Variants in CCDC192 observed in about 807,000 individuals in gnomAD.
CCDC192 encodes coiled-coil domain containing 192.
intron 6 of CCDC192, among the ~76,000 whole-genome samples, chr5:127,901,276 T>C (rs1753031375): frequency 6.6e-6 from 1 of 152,170 alleles, no homozygotes. Context: ...CTAGGTAATA[T>C]CTTAAAAAAA....
chr5:127,703,185 A>G (rs1397187213), upstream of CCDC192, among the ~76,000 whole-genome samples: 2 of 152,194 alleles, frequency 1.3e-5, no homozygotes, highest in Non-Finnish European at 2.9e-5. Flanking sequence ...ACTTTGAATG[A>G]GTTTTCCAGA....
intron 5 of CCDC192, among the ~76,000 whole-genome samples, chr5:127,866,737 A>G (rs1347711362): frequency 6.6e-6 from 1 of 152,156 alleles, no homozygotes; most frequent in Non-Finnish European, 1.5e-5. Flanking sequence ...AAACATGTTT[A>G]TATGAGATCA....
At chr5:127,705,872 C>A (rs1750928384) in intron 1 of CCDC192, among the ~76,000 whole-genome samples, 1 of 152,134 alleles carries the variant, frequency 6.6e-6, no homozygotes. Context: ...TTATTAAGAT[C>A]CTTTAAAGCC....
At chr5:127,840,724 T>C (rs1384477243) in intron 5 of CCDC192, among the ~76,000 whole-genome samples, 1 of 152,218 alleles carries the variant, frequency 6.6e-6, no homozygotes, top group Non-Finnish European at 1.5e-5. Flanking sequence ...TATTCATCAT[T>C]ATCTAGGTTT....
chr5:127,751,952 G>C (rs1444115242), intron 2 of CCDC192, among the ~76,000 whole-genome samples: 1 of 151,920 alleles, frequency 6.6e-6, no homozygotes, highest in Non-Finnish European at 1.5e-5. Flanking sequence ...TCGAGCCTTG[G>C]TTTTCAGCTC....
chr5:127,826,312 G>A (rs570774076), intron 5 of CCDC192, among the ~76,000 whole-genome samples: 3 of 152,226 alleles, frequency 2.0e-5, no homozygotes, highest in Admixed American at 2.0e-4. Context: ...CAAAGGAAAA[G>A]GAAAACTTAT....
At chr5:127,721,583 G>A (rs1246727421) in intron 2 of CCDC192, among the ~76,000 whole-genome samples, 1 of 152,090 alleles carries the variant, frequency 6.6e-6, no homozygotes, top group African/African-American at 2.4e-5. Context: ...CCATTACTGA[G>A]TCCCAAAGCT....
rs74916492 is a variant in CCDC192 at position 127,715,303 on chromosome 5, T to C, written c.114+7543T>C. ...CCATTTTGAGTTGATTCCTGTAAGT[T>C]GGAAGAGATAGGAGACTAGTTTCAT... On this transcript the variant is annotated intron_variant, in intron 2 of 6. Coordinates refer to ENST00000514853, the MANE Select transcript of CCDC192 (RefSeq NM_001317938.2). Among the ~76,000 whole-genome samples the C allele has an allele frequency of 3.3e-5, 5 of 152,328 alleles. No individual in the cohort carries two copies. The East Asian group carries it at 9.6e-4, about 29-fold the overall frequency.
chr5:127,847,642 G>A lies in CCDC192; in HGVS notation c.412-27896G>A, dbSNP rs145834090. ...GTTCAAGATCAGCCTGACCAACATG[G>A]TGAAACTCCGTCTCTACTAAAAATA... On this transcript the variant is annotated intron_variant, in intron 5 of 6. Coordinates refer to ENST00000514853, the MANE Select transcript of CCDC192 (RefSeq NM_001317938.2). 2.2e-3 allele frequency among the ~76,000 whole-genome samples: 331 copies of A among 151,876 alleles called. 2 individuals carry two copies. The highest frequency in any genetic ancestry group is 7.5e-3 in the African/African-American group (310 of 41,448).
chr5:127,817,338 C>T (rs1222732047), intron 5 of CCDC192, among the ~76,000 whole-genome samples: 1 of 152,070 alleles, frequency 6.6e-6, no homozygotes, highest in Non-Finnish European at 1.5e-5. Context: ...AAAGCTTGCA[C>T]AAAAATGTTC....
chr5:127,850,593 T>A (rs934281603), intron 5 of CCDC192, among the ~76,000 whole-genome samples: 3 of 152,180 alleles, frequency 2.0e-5, no homozygotes, highest in African/African-American at 7.2e-5. Context: ...GTACATTCCC[T>A]GCACTGAGAG....
intron 2 of CCDC192, among the ~76,000 whole-genome samples, chr5:127,716,935 ACT>A (rs1452779523): frequency 6.6e-6 from 1 of 152,094 alleles, no homozygotes; most frequent in African/African-American, 2.4e-5. Flanking sequence ...AATCTTTCAG[ACT>A]CTGTTTCCTG....
chr5:127,910,577 A>C (rs1228355565), intron 6 of CCDC192, among the ~76,000 whole-genome samples: 2 of 152,210 alleles, frequency 1.3e-5, no homozygotes. Flanking sequence ...GATTGTTCAG[A>C]ACTGAACAAA....
intron 3 of CCDC192, among the ~76,000 whole-genome samples, chr5:127,779,442 C>T (rs1264082111): frequency 6.6e-6 from 1 of 151,912 alleles, no homozygotes; most frequent in Non-Finnish European, 1.5e-5. Flanking sequence ...ACTACAGGTG[C>T]CCGCCACCAC....
At chr5:127,792,888 T>G (rs1031397294) in intron 3 of CCDC192, among the ~76,000 whole-genome samples, 2 of 151,926 alleles carry the variant, frequency 1.3e-5, no homozygotes, top group African/African-American at 4.8e-5. Context: ...AAAAGCACAA[T>G]GGCTAAAAGA....
chr5:127,922,771 G>A (rs1358161978), intron 6 of CCDC192, among the ~76,000 whole-genome samples: 2 of 152,028 alleles, frequency 1.3e-5, no homozygotes, highest in South Asian at 2.1e-4. Context: ...AAGCAAGGAG[G>A]AAAGAAAGCT....
intron 5 of CCDC192, among the ~76,000 whole-genome samples, chr5:127,808,013 C>T (rs1229019695): frequency 1.3e-5 from 2 of 152,064 alleles, no homozygotes; most frequent in Admixed American, 6.6e-5. Context: ...ACTGTGTTTA[C>T]TGTCAGGTTA....
intron 3 of CCDC192, among the ~76,000 whole-genome samples, chr5:127,793,509 A>G (rs1227863407): frequency 6.6e-6 from 1 of 152,182 alleles, no homozygotes; most frequent in Non-Finnish European, 1.5e-5. Context: ...CTGAGTTAGG[A>G]TTTGGATATG....
chr5:127,749,575 T>C (rs1005614917), intron 2 of CCDC192, among the ~76,000 whole-genome samples: 2 of 151,984 alleles, frequency 1.3e-5, no homozygotes, highest in African/African-American at 4.8e-5. Flanking sequence ...TAAAATTCTC[T>C]TTTTTGGTTG....
Sources: allele counts gnomAD v4.1 joint callset (sites outside exome capture counted in the v4.1 genomes callset), GRCh38; gene constraint gnomAD v4.1.1; transcripts MANE v1.5; gene names NCBI Gene and HGNC (gene_info 2026-07-23, HGNC 2026-07-21).